The following CACNA2D2 variants were observed in gnomAD, a reference collection of about 807,000 sequenced individuals.
The protein encoded by CACNA2D2 is calcium voltage-gated channel auxiliary subunit alpha2delta 2.
CACNA2D2 carries 48 observed loss-of-function variants against 166.4 expected under a neutral mutation model. The ratio of observed to expected loss-of-function variants is 0.29; its 90% CI spans 0.23 to 0.37. The LOEUF is 0.37. Ranked by LOEUF, CACNA2D2 falls within the 10% of genes least tolerant of loss-of-function variation. The pLI is 1.00. For missense variants in CACNA2D2, 1,122 were observed against 1,433.0 expected (o/e 0.78, Z 3.50); for synonymous variants, 561 against 573.7 (o/e 0.98, Z 0.32).
In CACNA2D2 at chr3:50,445,982, CCAG is replaced by C. The variant is rs141767472; in HGVS notation, c.289-11556_289-11554del. Among the ~76,000 whole-genome samples, 1,039 of 152,260 alleles carry C rather than the reference CCAG, an allele frequency of 6.8e-3. 11 individuals are homozygous for C. Among genetic ancestry groups the C allele is most frequent in the East Asian group, 0.049 (251 of 5,174 alleles). On this transcript the variant is annotated intron_variant, in intron 2 of 37. Coordinates refer to ENST00000424201, the MANE Select transcript of CACNA2D2 (RefSeq NM_006030.4). Reference sequence around the variant, plus strand: ...GTTCTCTCTCGGTGTATGCAAAACTCCAGCAGCAACAGGGGCCAGCATTTACCT... The same window carrying C: ...GTTCTCTCTCGGTGTATGCAAAACTCCAGCAACAGGGGCCAGCATTTACCT...
rs1317374447 is a variant in CACNA2D2, at chr3:50,377,810, G to A, written c.1480-7C>T. On this transcript the variant is annotated splice_polypyrimidine_tract_variant and splice_region_variant and intron_variant, in intron 15 of 37. Transcript: ENST00000424201. ...TTACCACCAACCCCAGTCCCTGAAG[G>A]GAGAGGAAGATGATGGAGTCACCTG... The A allele has an allele frequency of 6.2e-7, 1 of 1,611,872 alleles. No individual in the cohort carries two copies. The highest frequency in any genetic ancestry group is 8.5e-7 in the Non-Finnish European group (1 of 1,178,850).
At chr3:50,390,748 T>C (rs1018337159) in intron 4 of CACNA2D2, among the ~76,000 whole-genome samples, 2 of 152,290 alleles carry the variant, frequency 1.3e-5, no homozygotes, top group South Asian at 4.1e-4. Flanking sequence ...TACATTCTCC[T>C]TAGCAGGAGC....
chr3:50,387,956 G>A (rs1705695341), intron 4 of CACNA2D2, among the ~76,000 whole-genome samples: 1 of 152,222 alleles, frequency 6.6e-6, no homozygotes, highest in Non-Finnish European at 1.5e-5. Context: ...TGAGGAAGAC[G>A]GAGAACAGAG....
chr3:50,364,572 G>C lies in CACNA2D2; in HGVS notation c.*94C>G. ...AGCTCAGGTCCTTCAGTGAGGGAGG[G>C]ACGAGGCTCTAAGGCGGGGAGTGTG... On this transcript the variant is annotated 3_prime_UTR_variant, in exon 38 of 38. Transcript: ENST00000424201. 1 of 1,379,542 alleles carries C rather than the reference G, an allele frequency of 7.2e-7. No individual in the cohort carries two copies. Among genetic ancestry groups the C allele is most frequent in the Non-Finnish European group, 9.6e-7 (1 of 1,046,534 alleles). 85.5% of individuals were successfully genotyped at this position (1,379,542 alleles called of 1,614,324 possible). A position where few individuals can be genotyped will look rare whatever the true frequency, so the allele number is the denominator to read the frequency against.
At chr3:50,405,679 G>A (rs1264026469) in intron 3 of CACNA2D2, among the ~76,000 whole-genome samples, 3 of 151,792 alleles carry the variant, frequency 2.0e-5, no homozygotes, top group Non-Finnish European at 4.4e-5. Context: ...GGCAGGGCCT[G>A]CCTTGACAAT....
chr3:50,461,363 C>T (rs759819320), intron 2 of CACNA2D2, among the ~76,000 whole-genome samples: 2 of 152,142 alleles, frequency 1.3e-5, no homozygotes, highest in African/African-American at 2.4e-5. Flanking sequence ...CTCTGTTGAG[C>T]GTTGGGGAGA....
At chr3:50,424,513 TA>T (rs767617012) in intron 3 of CACNA2D2, among the ~76,000 whole-genome samples, 3 of 152,160 alleles carry the variant, frequency 2.0e-5, no homozygotes, top group African/African-American at 4.8e-5. Flanking sequence ...CTTGCCTAGC[TA>T]AATCCTCCCT....
At position 50,402,059 on chromosome 3, in the gene CACNA2D2, G is replaced by A. The variant is rs150507089; in HGVS notation, c.406-7891C>T. On this transcript the variant is annotated intron_variant, in intron 3 of 37. Transcript: ENST00000424201. ...AGAGGAGGAAGGCCATGAGCTCTGG[G>A]ATCCCTTCCCAAGGAAGTAAAGGAA... Among the ~76,000 whole-genome samples the A allele has an allele frequency of 3.1e-3, 479 of 152,332 alleles. 1 individual carries two copies. Among genetic ancestry groups the A allele is most frequent in the Non-Finnish European group, 5.4e-3 (368 of 68,030 alleles).
chr3:50,369,486 TAC>T (rs1356033488), intron 23 of CACNA2D2, among the ~76,000 whole-genome samples: 1 of 152,218 alleles, frequency 6.6e-6, no homozygotes, highest in Non-Finnish European at 1.5e-5. Context: ...TACACACATC[TAC>T]AGAGAGAGTC....
chr3:50,413,549 T>G (rs941642904), intron 3 of CACNA2D2, among the ~76,000 whole-genome samples: 1 of 151,784 alleles, frequency 6.6e-6, no homozygotes, highest in African/African-American at 2.4e-5. Flanking sequence ...CCAAGTGAGG[T>G]TGAGGTCCCT....
chr3:50,384,879 T>A (rs906699446), intron 5 of CACNA2D2, among the ~76,000 whole-genome samples: 1 of 152,174 alleles, frequency 6.6e-6, no homozygotes, highest in Non-Finnish European at 1.5e-5. Flanking sequence ...GCCGGATGGC[T>A]CTAGGGTCTG....
chr3:50,381,821 T>C (rs1165259935), intron 6 of CACNA2D2, among the ~76,000 whole-genome samples: 1 of 152,014 alleles, frequency 6.6e-6, no homozygotes, highest in Non-Finnish European at 1.5e-5. Flanking sequence ...GCTGCCACCA[T>C]GGGCACAAGG....
Position 50,373,105 on chromosome 3 carries a change from G to A in CACNA2D2, c.1984+1632C>T, listed in dbSNP as rs587754295. 1.4e-4 allele frequency: 221 copies of A among 1,533,362 alleles called. 5 individuals carry two copies. In the South Asian group the frequency reaches 1.5e-3, roughly 10 times the overall value. The allele number at this position is 1,533,362 out of a possible 1,614,324, so 95.0% of individuals were successfully genotyped here. On this transcript the variant is annotated intron_variant, in intron 22 of 37. Transcript: ENST00000424201. ...TTGGCACTGGGACAGTCCACCAAGA[G>A]AGAAAGCGAGGAAAACAAAAACAAC... is the stretch of plus-strand genomic sequence containing the variant.
At chr3:50,403,045 G>C (rs577022179) in intron 3 of CACNA2D2, among the ~76,000 whole-genome samples, 83 of 152,270 alleles carry the variant, frequency 5.5e-4, no homozygotes, top group African/African-American at 1.9e-3. Context: ...CTCCTCCCTT[G>C]TCCAGCCACA....
Position 50,367,981 on chromosome 3 carries a change from TC to T in CACNA2D2, c.2144-80del. 8.3e-7 allele frequency: 1 copy of T among 1,209,146 alleles called. No homozygotes were observed. The highest frequency in any genetic ancestry group is 1.2e-6 in the Non-Finnish European group (1 of 826,504). 74.9% of individuals were successfully genotyped at this position (1,209,146 alleles called of 1,614,324 possible). ...CCACCCTCACCCCCACCCTTAAGGC[TC>T]CACCAGGAGCCTCCTCCATGACCTG... On this transcript the variant is annotated intron_variant, in intron 24 of 37. Transcript: ENST00000424201. The surrounding 1 kb of genome is among the most constrained non-coding windows in gnomAD (Gnocchi z 6.5).
chr3:50,453,383 G>C (rs984608019), intron 2 of CACNA2D2, among the ~76,000 whole-genome samples: 24 of 152,228 alleles, frequency 1.6e-4, no homozygotes, highest in Non-Finnish European at 3.2e-4. Context: ...GAATAGGACA[G>C]AGCGATTTCG....
At chr3:50,415,948 G>C (rs1707246935) in intron 3 of CACNA2D2, 1 of 152,250 alleles carries the variant, frequency 6.6e-6, no homozygotes, top group African/African-American at 2.4e-5. Context: ...GACAATTAAT[G>C]GTTTTCAACT....
chr3:50,491,143 C>T (rs763987786), intron 1 of CACNA2D2, among the ~76,000 whole-genome samples: 7 of 152,226 alleles, frequency 4.6e-5, no homozygotes, highest in Non-Finnish European at 7.3e-5. Context: ...CTCCCCGTGC[C>T]CATCAGAAGC....
At chr3:50,421,351 G>C (rs1203353141) in intron 3 of CACNA2D2, among the ~76,000 whole-genome samples, 2 of 152,112 alleles carry the variant, frequency 1.3e-5, no homozygotes, top group Non-Finnish European at 2.9e-5. Context: ...GGAAAGGTCA[G>C]GGTCACCCTG....
Sources: gnomAD v4.1 joint callset for allele counts (sites outside exome capture counted in the v4.1 genomes callset) on GRCh38, gnomAD v4.1.1 for gene constraint, Gnocchi (gnomAD v3.1) non-coding constraint, MANE v1.5 for transcripts, NCBI Gene and HGNC (gene_info 2026-07-23, HGNC 2026-07-21) for gene names.